Variants in LRBA observed in about 807,000 individuals in gnomAD.
LRBA encodes lipopolysaccharide-responsive and beige-like anchor protein.
A neutral mutation model predicts 330.0 loss-of-function variants in LRBA; 176 were observed. The observed-to-expected ratio is 0.53, with a 90% CI of 0.47 to 0.60. LRBA has a LOEUF of 0.60. Ranked by LOEUF, LRBA falls within the 20% of genes least tolerant of loss-of-function variation. The pLI, the probability that LRBA is intolerant of heterozygous loss-of-function variation, is 0.00. For synonymous variants in LRBA, 1,230 were observed against 1,193.0 expected (o/e 1.03, Z -0.64); for missense variants, 3,259 against 3,444.8 (o/e 0.95, Z 1.35).
intron 47 of LRBA, among the ~76,000 whole-genome samples, chr4:150,397,006 AT>A (rs1408433100): frequency 3.3e-5 from 5 of 152,206 alleles, no homozygotes; most frequent in African/African-American, 9.6e-5. Flanking sequence ...CATTAAAAAC[AT>A]TTGAAAAGCA....
At chr4:150,516,272 T>C (rs1762353940) in intron 40 of LRBA, among the ~76,000 whole-genome samples, 1 of 133,392 alleles carries the variant, frequency 7.5e-6, no homozygotes, top group African/African-American at 2.9e-5. Flanking sequence ...TGCACAAAGC[T>C]GATAGCACAG....
At chr4:150,846,539 AAAAG>A (rs1424871362) in intron 26 of LRBA, among the ~76,000 whole-genome samples, 1 of 151,780 alleles carries the variant, frequency 6.6e-6, no homozygotes, top group African/African-American at 2.4e-5. Context: ...CAAAAAAAAA[AAAAG>A]AAAGAAAATG....
chr4:150,604,404 C>CA (rs5862930), intron 37 of LRBA, among the ~76,000 whole-genome samples: 128,952 of 146,712 alleles, frequency 0.88, 57,130 homozygotes, highest in Non-Finnish European at 0.95. Flanking sequence ...AGACTATCTC[C>CA]AAAAAAAAAA....
chr4:150,302,587 C>T, intron 53 of LRBA, 38 bp downstream of exon 53: 2 of 1,503,822 alleles, frequency 1.3e-6, no homozygotes, highest in Non-Finnish European at 1.8e-6. Flanking sequence ...TTCTCTACAT[C>T]CTTGTAAAAG....
chr4:150,303,157 C>T (rs955263956), intron 52 of LRBA, among the ~76,000 whole-genome samples: 9 of 152,168 alleles, frequency 5.9e-5, no homozygotes, highest in African/African-American at 2.2e-4. Flanking sequence ...TCTTGAGTTA[C>T]TCTATATGAT....
chr4:150,644,142 T>C (rs960622108), intron 37 of LRBA, among the ~76,000 whole-genome samples: 1 of 151,984 alleles, frequency 6.6e-6, no homozygotes, highest in African/African-American at 2.4e-5. Context: ...TAGTGGAGTC[T>C]GAATTATTTT....
At chr4:150,752,199 C>A (rs987748279) in intron 35 of LRBA, among the ~76,000 whole-genome samples, 1 of 152,064 alleles carries the variant, frequency 6.6e-6, no homozygotes, top group East Asian at 1.9e-4. Context: ...ATATCATCTC[C>A]ATATATTAAC....
intron 47 of LRBA, among the ~76,000 whole-genome samples, chr4:150,392,855 G>C (rs570321102): frequency 2.6e-5 from 4 of 151,298 alleles, no homozygotes; most frequent in Non-Finnish European, 5.9e-5. Flanking sequence ...ATCGAGGGGT[G>C]GGGGGCAAGA....
intron 40 of LRBA, among the ~76,000 whole-genome samples, chr4:150,509,752 A>T (rs1761613346): frequency 6.6e-6 from 1 of 152,240 alleles, no homozygotes; most frequent in Non-Finnish European, 1.5e-5. Flanking sequence ...GAGAAGAGAC[A>T]TCAAAACAGA....
At chr4:151,008,464 C>A (rs978648696) in intron 2 of LRBA, among the ~76,000 whole-genome samples, 5 of 152,038 alleles carry the variant, frequency 3.3e-5, no homozygotes, top group African/African-American at 1.2e-4. Context: ...CCTGCATAGA[C>A]CAAAATCTGA....
At chr4:150,749,528 G>A (rs1199397451) in intron 35 of LRBA, among the ~76,000 whole-genome samples, 3 of 152,174 alleles carry the variant, frequency 2.0e-5, no homozygotes, top group Non-Finnish European at 4.4e-5. Flanking sequence ...GGCCAAGGCA[G>A]AAGGGCTGCT....
At chr4:150,707,849 A>T (rs1343219601) in intron 36 of LRBA, among the ~76,000 whole-genome samples, 1 of 151,768 alleles carries the variant, frequency 6.6e-6, no homozygotes, top group Non-Finnish European at 1.5e-5. Context: ...AAGCTGCAAC[A>T]TACTTCCAGA....
chr4:150,621,225 T>C (rs1190105841), intron 37 of LRBA, among the ~76,000 whole-genome samples: 10 of 152,214 alleles, frequency 6.6e-5, no homozygotes, highest in African/African-American at 2.2e-4. Context: ...CTTTGAAAGA[T>C]ATTTTTTATA....
chr4:150,325,099 G>A (rs779428266), intron 49 of LRBA, among the ~76,000 whole-genome samples: 1 of 152,130 alleles, frequency 6.6e-6, no homozygotes, highest in Non-Finnish European at 1.5e-5. Flanking sequence ...AAGTCTGGCT[G>A]CTTCTGTCTG....
chr4:150,568,561 G>A (rs2152280427), intron 40 of LRBA, among the ~76,000 whole-genome samples: 1 of 152,226 alleles, frequency 6.6e-6, no homozygotes, highest in South Asian at 2.1e-4. Flanking sequence ...GGTTTGAAGA[G>A]AAAAACTTTA....
At chr4:150,860,958 T>C (rs888366851) in intron 22 of LRBA, among the ~76,000 whole-genome samples, 1 of 152,200 alleles carries the variant, frequency 6.6e-6, no homozygotes, top group African/African-American at 2.4e-5. Context: ...CTAGATTGTA[T>C]CACCTACTAT....
At chr4:150,575,319 G>C (rs531970542) in intron 40 of LRBA, among the ~76,000 whole-genome samples, 7 of 152,030 alleles carry the variant, frequency 4.6e-5, no homozygotes, top group East Asian at 1.9e-4. Flanking sequence ...AAACCTCTCT[G>C]CACATCACTT....
chr4:150,610,720 G>A (rs1035070707), intron 37 of LRBA, among the ~76,000 whole-genome samples: 3 of 152,096 alleles, frequency 2.0e-5, no homozygotes, highest in Non-Finnish European at 2.9e-5. Context: ...TAGTAAGAAC[G>A]CCTGGGATGA....
intron 37 of LRBA, among the ~76,000 whole-genome samples, chr4:150,676,119 T>G (rs1165106285): frequency 6.6e-6 from 1 of 151,542 alleles, no homozygotes; most frequent in Non-Finnish European, 1.5e-5. Flanking sequence ...ATGATCTTAT[T>G]TTTTTTTAGC....
Sources: gnomAD v4.1 joint callset for allele counts (sites outside exome capture counted in the v4.1 genomes callset) on GRCh38, gnomAD v4.1.1 for gene constraint, MANE v1.5 for transcripts, NCBI Gene and HGNC (gene_info 2026-07-23, HGNC 2026-07-21) for gene names.